The following AGAP1 variants were observed in gnomAD, a reference collection of about 807,000 sequenced individuals.
The protein encoded by AGAP1 is arf-GAP with GTPase, ANK repeat and PH domain-containing protein 1.
In AGAP1, 29 loss-of-function variants were observed where a neutral mutation model predicts 105.3. The observed-to-expected ratio is 0.28, with a 90% confidence interval of 0.21 to 0.38. The LOEUF is 0.38. Ranked by LOEUF, AGAP1 falls within the 10% of genes least tolerant of loss-of-function variation. The pLI is 1.00. For missense variants in AGAP1, 998 were observed against 1,165.1 expected, an observed-to-expected ratio of 0.86 and a Z score of 2.09; for synonymous variants, 509 against 485.9, an observed-to-expected ratio of 1.05 and a Z score of -0.63.
chr2:235,914,342 T>C (rs1043247728), intron 11 of AGAP1, among the ~76,000 whole-genome samples: 2 of 152,118 alleles, frequency 1.3e-5, no homozygotes, highest in Non-Finnish European at 2.9e-5. Context: ...TGATTAATGC[T>C]CTGGATATTG....
chr2:235,873,034 A>C (rs943041966), intron 9 of AGAP1, among the ~76,000 whole-genome samples: 1 of 152,182 alleles, frequency 6.6e-6, no homozygotes, highest in Non-Finnish European at 1.5e-5. Flanking sequence ...GGCTCTTTCC[A>C]AGGGAGATCA....
Position 235,777,129 on chromosome 2 carries a change from C to G in AGAP1, c.674-20630C>G, listed in dbSNP as rs1955937302. On this transcript the variant is annotated intron_variant, in intron 6 of 17. Transcript: ENST00000304032. This position sits in a 1 kb window ranked among gnomAD's most constrained non-coding sequence, Gnocchi z 5.1. ...ATTCCAGCACTTTGAGAGGCCAAGG[C>G]GGGTGGATCACGAGGTCAGGAGATC... 4.4e-6 allele frequency: 2 copies of G among 459,106 alleles called. No homozygotes were observed. The highest frequency in any genetic ancestry group is 9.0e-6 in the Non-Finnish European group (2 of 221,420). 28.4% of individuals were successfully genotyped at this position (459,106 alleles called of 1,614,324 possible).
rs2149635591 is a variant in AGAP1, at chr2:235,736,124, C to G, written c.311-4839C>G. ...CCCTCTCACTGAGATGCGGTCACAG[C>G]TGCCCAGCGACCTGGTTCCACCTTA... On this transcript the variant is annotated intron_variant, in intron 3 of 17. Transcript: ENST00000304032. The surrounding 1 kb of genome is among the most constrained non-coding windows in gnomAD (Gnocchi z 5.5). 6.6e-6 allele frequency among the ~76,000 whole-genome samples: 1 copy of G among 151,762 alleles called. No homozygotes were observed. Among genetic ancestry groups the G allele is most frequent in the East Asian group, 2.0e-4 (1 of 5,092 alleles).
At chr2:235,755,146 G>A (rs1042671372) in intron 6 of AGAP1, among the ~76,000 whole-genome samples, 15 of 152,210 alleles carry the variant, frequency 9.9e-5, no homozygotes, top group African/African-American at 1.4e-4. Flanking sequence ...GGGGGCTGCA[G>A]GTCCGTCTGC....
rs964222510 is a variant in AGAP1, at chr2:236,105,100, A to G, written c.2115-15092A>G. ...TCCTTCTGTCTGTCTCGGTGAGAGA[A>G]GGCACGGCCCTCACCCAGGGCAGCA... On this transcript the variant is annotated intron_variant, in intron 16 of 17. Coordinates refer to ENST00000304032, the MANE Select transcript of AGAP1 (RefSeq NM_001037131.3). The surrounding 1 kb of genome is among the most constrained non-coding windows in gnomAD (Gnocchi z 4.2). Among the ~76,000 whole-genome samples, 3 of 151,934 alleles carry G rather than the reference A, an allele frequency of 2.0e-5. No individual in the cohort carries two copies. Among genetic ancestry groups the G allele is most frequent in the African/African-American group, 7.3e-5 (3 of 41,374 alleles).
intron 13 of AGAP1, among the ~76,000 whole-genome samples, chr2:236,031,106 C>G: frequency 2.0e-5 from 3 of 152,124 alleles, no homozygotes; most frequent in African/African-American, 7.2e-5. Flanking sequence ...CATCCACAGG[C>G]ATTTTAAAAT....
intron 6 of AGAP1, among the ~76,000 whole-genome samples, chr2:235,794,800 C>T (rs1050106444): frequency 6.6e-5 from 10 of 152,124 alleles, no homozygotes; most frequent in Admixed American, 3.3e-4. Context: ...AGTAAATCCA[C>T]GTGATTGTGT....
chr2:235,928,358 C>T (rs538942767), intron 11 of AGAP1, among the ~76,000 whole-genome samples: 1 of 152,292 alleles, frequency 6.6e-6, no homozygotes, highest in South Asian at 2.1e-4. Context: ...CAGGACAGTG[C>T]AGGCACCAGG....
chr2:236,104,025 T>A lies in AGAP1; in HGVS notation c.2115-16167T>A, dbSNP rs1185008827. Among the ~76,000 whole-genome samples, 1 of 152,236 alleles carries A rather than the reference T, an allele frequency of 6.6e-6. No homozygotes were observed. The highest frequency in any genetic ancestry group is 1.5e-5 in the Non-Finnish European group (1 of 68,038). On this transcript the variant is annotated intron_variant, in intron 16 of 17. Transcript: ENST00000304032. This position sits in a 1 kb window ranked among gnomAD's most constrained non-coding sequence, Gnocchi z 4.7. ...GATGTGGAGGGTTTTATCCCCTTTT[T>A]GCGGGTAGGGAAATTGAATATTCAA... is the stretch of plus-strand genomic sequence containing the variant.
intron 11 of AGAP1, among the ~76,000 whole-genome samples, chr2:235,910,467 A>G (rs374386071): frequency 1.3e-5 from 2 of 152,190 alleles, no homozygotes; most frequent in African/African-American, 4.8e-5. Context: ...CTTTCTTCCA[A>G]GACATCCGTG....
chr2:236,100,597 G>A (rs1471383058), intron 16 of AGAP1, among the ~76,000 whole-genome samples: 1 of 152,054 alleles, frequency 6.6e-6, no homozygotes, highest in African/African-American at 2.4e-5. Context: ...GGCCGAGGTG[G>A]GCAGATCAGT....
At chr2:235,745,731 A>G (rs76131987) in intron 5 of AGAP1, among the ~76,000 whole-genome samples, 3,291 of 152,348 alleles carry the variant, frequency 0.022, 105 homozygotes, top group African/African-American at 0.068. Flanking sequence ...TCAGCTGTAC[A>G]TACTGCACTA....
At chr2:235,533,574 A>T (rs1438923550) in intron 1 of AGAP1, among the ~76,000 whole-genome samples, 1 of 152,252 alleles carries the variant, frequency 6.6e-6, no homozygotes, top group African/African-American at 2.4e-5. Context: ...GCTGAGATTA[A>T]ACACATGGCA....
In AGAP1 at chr2:235,864,410, C is replaced by T. The variant is rs910765781; in HGVS notation, c.1051-18935C>T. Among the ~76,000 whole-genome samples the T allele has an allele frequency of 2.0e-5, 3 of 152,164 alleles. No individual in the cohort carries two copies. The highest frequency in any genetic ancestry group is 6.5e-5 in the Admixed American group (1 of 15,284). On this transcript the variant is annotated intron_variant, in intron 9 of 17. Coordinates refer to ENST00000304032, the MANE Select transcript of AGAP1 (RefSeq NM_001037131.3). The surrounding 1 kb of genome is among the most constrained non-coding windows in gnomAD (Gnocchi z 5.0). ...GGGAGAAATGGAGTCCATTTCCAGA[C>T]CATGGTAAGTGCCCGTTGGTTTTGT...
rs976117921 is a variant in AGAP1, at chr2:235,992,932, C to T, written c.1645+24309C>T. Among the ~76,000 whole-genome samples, 13 of 152,296 alleles carry T rather than the reference C, an allele frequency of 8.5e-5. No individual in the cohort carries two copies. Among genetic ancestry groups the T allele is most frequent in the African/African-American group, 3.1e-4 (13 of 41,562 alleles). On this transcript the variant is annotated intron_variant, in intron 13 of 17. Coordinates refer to ENST00000304032, the MANE Select transcript of AGAP1 (RefSeq NM_001037131.3). The surrounding 1 kb of genome is among the most constrained non-coding windows in gnomAD (Gnocchi z 4.8). ...TTGACCTCCTCCCTACCTGGGAGAA[C>T]CTGGCTGGCCACATAGTGGAACTGG... is the stretch of plus-strand genomic sequence containing the variant.
At position 235,968,613 on chromosome 2, in the gene AGAP1, C is replaced by G; in HGVS notation, c.1635C>G (p.Gly545=). 6.2e-7 allele frequency: 1 copy of G among 1,607,848 alleles called. No individual in the cohort carries two copies. The highest frequency in any genetic ancestry group is 8.5e-7 in the Non-Finnish European group (1 of 1,177,676). ...ACTTCAAAGCCGACGGCCTGTCCGG[C>G]ACTGCTGAAGGTAAGGGTTCCGCGG... ...TSNFKADGLS[G]TAEEQEENFE... Residue 545 remains glycine (G), a synonymous_variant, in exon 13 of 18, where the codon GGC becomes GGG. Transcript: ENST00000304032.
chr2:235,803,776 C>T (rs746862868), intron 8 of AGAP1, among the ~76,000 whole-genome samples: 7 of 152,108 alleles, frequency 4.6e-5, no homozygotes, highest in Non-Finnish European at 1.0e-4. Flanking sequence ...AATAAAATCT[C>T]TGTATTAGTC....
rs2054009339 is a variant in AGAP1, at chr2:235,957,758, A to C, written c.1484-10704A>C. ...AGAGCCCTTATTAAAGATCCAAATT[A>C]GCTTTATATCGTTGGCCGTGTATCA... On this transcript the variant is annotated intron_variant, in intron 12 of 17. Coordinates refer to ENST00000304032, the MANE Select transcript of AGAP1 (RefSeq NM_001037131.3). The surrounding 1 kb of genome is among the most constrained non-coding windows in gnomAD (Gnocchi z 4.6). 6.6e-6 allele frequency among the ~76,000 whole-genome samples: 1 copy of C among 152,186 alleles called. No homozygotes were observed. Among genetic ancestry groups the C allele is most frequent in the South Asian group, 2.1e-4 (1 of 4,822 alleles).
At chr2:235,765,494 A>G (rs1448558415) in intron 6 of AGAP1, among the ~76,000 whole-genome samples, 2 of 152,294 alleles carry the variant, frequency 1.3e-5, no homozygotes, top group South Asian at 2.1e-4. Flanking sequence ...GAGAAGCTGA[A>G]CACTGTTCGT....
Sources: gnomAD v4.1 joint callset for allele counts (sites outside exome capture counted in the v4.1 genomes callset) on GRCh38, gnomAD v4.1.1 for gene constraint, Gnocchi (gnomAD v3.1) non-coding constraint, MANE v1.5 for transcripts, NCBI Gene and HGNC (gene_info 2026-07-23, HGNC 2026-07-21) for gene names.